CCDC3: variants seen among roughly 807,000 people sequenced by gnomAD.
CCDC3 encodes coiled-coil domain-containing protein 3.
CCDC3 carries 24 observed loss-of-function variants against 21.4 expected under a neutral mutation model. That is an observed-to-expected ratio of 1.12 (90% CI 0.81 to 1.58). CCDC3 has a LOEUF of 1.58. CCDC3 is among the 40% of genes most tolerant of loss of function. The probability of loss-of-function intolerance (pLI) is 0.00; values close to 1 mark genes in which losing one functional copy is unlikely to be tolerated. For synonymous variants in CCDC3, 186 were observed against 166.0 expected (o/e 1.12, Z -0.93); for missense variants, 425 against 360.9 (o/e 1.18, Z -1.44).
chr10:12,998,440 C>T lies in CCDC3; in HGVS notation c.447G>A (p.Glu149=). ...FQDAIFPDTQ[E]NRRMFSSLFQ... ...AAAGGCTAGAAAACATCCTTCTGTT[C>T]TCTTGAGTGTCTGGGAAGATGGCAT... Residue 149 remains glutamate (E), a synonymous_variant, in exon 2 of 3, where the codon GAG becomes GAA. Transcript: ENST00000378825. The T allele has an allele frequency of 6.2e-7, 1 of 1,614,162 alleles. No homozygotes were observed. The highest frequency in any genetic ancestry group is 8.5e-7 in the Non-Finnish European group (1 of 1,180,020).
chr10:12,933,710 G>A (rs1054846322), intron 2 of CCDC3, among the ~76,000 whole-genome samples: 1 of 152,008 alleles, frequency 6.6e-6, no homozygotes, highest in African/African-American at 2.4e-5. Flanking sequence ...CGCCCGACTC[G>A]GCCTCCCAAA....
intron 3 of CCDC3, among the ~76,000 whole-genome samples, chr10:13,082,096 T>C (rs559191920): frequency 6.6e-6 from 1 of 152,156 alleles, no homozygotes; most frequent in South Asian, 2.1e-4. Context: ...ATCATAGAAA[T>C]AAAGACACAA....
chr10:13,091,476 T>C (rs1832570224), intron 3 of CCDC3, among the ~76,000 whole-genome samples: 1 of 152,304 alleles, frequency 6.6e-6, no homozygotes, highest in East Asian at 1.9e-4. Flanking sequence ...AGTGCCTTGA[T>C]CTTGGACTTC....
intron 4 of CCDC3, chr10:13,073,741 C>G (rs1836915347): frequency 6.6e-6 from 1 of 152,214 alleles, no homozygotes; most frequent in South Asian, 2.1e-4. Context: ...CCCATGCCAG[C>G]TTCCCTAGGT....
intron 2 of CCDC3, among the ~76,000 whole-genome samples, chr10:12,984,800 A>G (rs1176039512): frequency 6.6e-6 from 1 of 152,206 alleles, no homozygotes; most frequent in East Asian, 1.9e-4. Flanking sequence ...GAGACAGACA[A>G]ATCTTACACA....
intron 2 of CCDC3, among the ~76,000 whole-genome samples, chr10:12,934,052 T>C (rs1247124643): frequency 1.3e-5 from 2 of 152,228 alleles, no homozygotes; most frequent in Non-Finnish European, 2.9e-5. Flanking sequence ...TAGATCTTTC[T>C]TCTTTCCTAA....
chr10:12,948,738 T>TTG (rs1554755973), intron 2 of CCDC3, among the ~76,000 whole-genome samples: 1 of 140,706 alleles, frequency 7.1e-6, no homozygotes, highest in East Asian at 2.1e-4. Flanking sequence ...GTTTTTTTTT[T>TTG]TTTTTTTTTT....
At chr10:12,986,976 C>G (rs1835605624) in intron 2 of CCDC3, among the ~76,000 whole-genome samples, 1 of 152,092 alleles carries the variant, frequency 6.6e-6, no homozygotes, top group African/African-American at 2.4e-5. Context: ...CCCCTCCTTG[C>G]TGGAGGGCAA....
chr10:13,050,738 C>T (rs982321548), intron 4 of CCDC3, among the ~76,000 whole-genome samples: 2 of 152,036 alleles, frequency 1.3e-5, no homozygotes, highest in African/African-American at 4.8e-5. Flanking sequence ...AGATTACAGG[C>T]GTGAACCACC....
chr10:12,995,616 G>C (rs1835749233), intron 2 of CCDC3, among the ~76,000 whole-genome samples: 2 of 152,192 alleles, frequency 1.3e-5, no homozygotes, highest in African/African-American at 4.8e-5. Context: ...GGCACAAGCA[G>C]AGGTCTGGAA....
chr10:13,074,886 A>C (rs141542297), intron 3 of CCDC3, among the ~76,000 whole-genome samples: 112 of 152,312 alleles, frequency 7.4e-4, no homozygotes, highest in Middle Eastern at 3.4e-3. Context: ...AAATGGAGCA[A>C]AAGAAAGGGT....
intron 2 of CCDC3, among the ~76,000 whole-genome samples, chr10:12,930,295 C>T (rs967138504): frequency 7.2e-5 from 11 of 152,160 alleles, no homozygotes; most frequent in Non-Finnish European, 1.5e-5. Context: ...CCCTCAAAAA[C>T]GTGTCACAAA....
intron 2 of CCDC3, among the ~76,000 whole-genome samples, chr10:12,963,075 G>A (rs543127544): frequency 4.6e-5 from 7 of 152,214 alleles, no homozygotes; most frequent in African/African-American, 1.4e-4. Flanking sequence ...TTAAAAATAC[G>A]TCTGCAGTTA....
At chr10:13,079,601 G>A (rs964944306) in intron 3 of CCDC3, among the ~76,000 whole-genome samples, 1 of 152,132 alleles carries the variant, frequency 6.6e-6, no homozygotes, top group South Asian at 2.1e-4. Context: ...GAGAATGGGG[G>A]TGGCGGTGAA....
At chr10:12,899,708 TACCAAGAGTGCGA>T (rs1834063940) in intron 2 of CCDC3, among the ~76,000 whole-genome samples, 4 of 152,220 alleles carry the variant, frequency 2.6e-5, no homozygotes, top group Non-Finnish European at 5.9e-5. Flanking sequence ...TATAGTGTGA[TACCAAGAGTGCGA>T]AATACGGTAC....
chr10:13,004,895 T>C (rs543021468), upstream of CCDC3, among the ~76,000 whole-genome samples: 1 of 152,202 alleles, frequency 6.6e-6, no homozygotes, highest in South Asian at 2.1e-4. Flanking sequence ...GAACTTCCCC[T>C]CCACTGAATG....
chr10:13,036,132 G>A (rs1230269385), intron 5 of CCDC3, among the ~76,000 whole-genome samples: 1 of 151,674 alleles, frequency 6.6e-6, no homozygotes, highest in East Asian at 1.9e-4. Flanking sequence ...GACAGAGCAA[G>A]ACTCTGTCTC....
intron 2 of CCDC3, among the ~76,000 whole-genome samples, chr10:12,933,983 A>AAATTTAATTTGCTCTTTTTGTTGTAGT (rs1834694836): frequency 6.6e-6 from 1 of 151,946 alleles, no homozygotes; most frequent in South Asian, 2.1e-4. Context: ...TGCTTACTTT[A>AAATTTAATTTGCTCTTTTTGTTGTAGT]AATTTAATTT....
chr10:12,976,156 C>A, intron 2 of CCDC3, among the ~76,000 whole-genome samples: 1 of 152,244 alleles, frequency 6.6e-6, no homozygotes, highest in Non-Finnish European at 1.5e-5. Context: ...AGAGACCCGG[C>A]CTTGGCCCTA....
Sources: gnomAD v4.1 joint callset for allele counts (sites outside exome capture counted in the v4.1 genomes callset) on GRCh38, gnomAD v4.1.1 for gene constraint, MANE v1.5 for transcripts, NCBI Gene and HGNC (gene_info 2026-07-23, HGNC 2026-07-21) for gene names.